MASTL: variants seen among roughly 807,000 people sequenced by gnomAD.
MASTL encodes the protein serine/threonine-protein kinase greatwall.
Under a neutral mutation model 82.5 loss-of-function variants are expected in MASTL, and 54 were observed. The observed-to-expected ratio is 0.65, with a 90% CI of 0.53 to 0.82. The LOEUF (loss-of-function observed/expected upper bound fraction) is 0.82. Ranked by LOEUF, MASTL falls within the 40% of genes least tolerant of loss-of-function variation. MASTL has a pLI of 0.00. For synonymous variants in MASTL, 323 were observed against 368.9 expected (o/e 0.88, Z 1.43); for missense variants, 950 against 1,047.8 (o/e 0.91, Z 1.29).
chr10:27,182,968 C>G (rs952302994), intron 11 of MASTL, among the ~76,000 whole-genome samples: 9 of 151,996 alleles, frequency 5.9e-5, no homozygotes, highest in Admixed American at 3.3e-4. Context: ...TTGTTAGTGT[C>G]TTGGGTTTTT....
chr10:27,177,646 A>T (rs2058142341), intron 9 of MASTL, among the ~76,000 whole-genome samples: 1 of 152,158 alleles, frequency 6.6e-6, no homozygotes, highest in Non-Finnish European at 1.5e-5. Flanking sequence ...CTTCCAGAGT[A>T]GGCTGGTTTC....
At position 27,186,366 on chromosome 10, in the gene MASTL, T is replaced by C. The variant is rs1319799838; in HGVS notation, c.2483-13T>C. The C allele has an allele frequency of 6.2e-7, 1 of 1,613,240 alleles. No homozygotes were observed. The highest frequency in any genetic ancestry group is 1.7e-5 in the Admixed American group (1 of 60,024). On this transcript the variant is annotated splice_polypyrimidine_tract_variant and intron_variant, in intron 11 of 11. Coordinates refer to ENST00000375940, the MANE Select transcript of MASTL (RefSeq NM_001172303.3). Reference sequence around the variant, plus strand: ...AATGATATCATACTGTTTTGTTTTATATTTTTCCTAAGAGCTAAAACGTCA... The same window carrying C: ...AATGATATCATACTGTTTTGTTTTACATTTTTCCTAAGAGCTAAAACGTCA...
chr10:27,180,881 AATTAATATTTCTGTTC>A, intron 9 of MASTL, 56 bp from the exon 10 acceptor site: 1 of 1,042,080 alleles, frequency 9.6e-7, no homozygotes, highest in South Asian at 1.3e-5. Context: ...AGGACTCCAC[AATTAATATTTCTGTTC>A]ATCAAATATT....
chr10:27,158,907 T>C (rs1564481304), intron 2 of MASTL, among the ~76,000 whole-genome samples: 3 of 152,170 alleles, frequency 2.0e-5, no homozygotes, highest in African/African-American at 7.2e-5. Flanking sequence ...TATATGTACA[T>C]AGAGAGACAG....
In MASTL at chr10:27,181,172, G is replaced by A. The variant is rs537265677; in HGVS notation, c.2380+106G>A. Reference sequence around the variant, plus strand: ...GGCCAAGGCGGGTGGATCGCCTGAGGTCAGGAGTTCGAGACCAGCCTGGCC... The same window carrying A: ...GGCCAAGGCGGGTGGATCGCCTGAGATCAGGAGTTCGAGACCAGCCTGGCC... On this transcript the variant is annotated intron_variant, in intron 10 of 11. Transcript: ENST00000375940. 3.0e-5 allele frequency: 24 copies of A among 812,908 alleles called. No homozygotes were observed. The East Asian group carries it at 6.4e-4, about 22-fold the overall frequency. The allele number at this position is 812,908 out of a possible 1,614,324, so 50.4% of individuals were successfully genotyped here. A position where few individuals can be genotyped will look rare whatever the true frequency, so the allele number is the denominator to read the frequency against.
At chr10:27,177,825 C>A in intron 9 of MASTL, 1 of 960,600 alleles carries the variant, frequency 1.0e-6, no homozygotes, top group Non-Finnish European at 1.2e-6. Flanking sequence ...GGTGAGTGAG[C>A]TTCTCTATAA....
intron 4 of MASTL, among the ~76,000 whole-genome samples, chr10:27,162,068 C>T (rs79989344): frequency 0.017 from 2,511 of 152,126 alleles, 125 homozygotes; most frequent in East Asian, 0.14. Flanking sequence ...AAAGGAATAC[C>T]GATGGTCCAG....
intron 9 of MASTL, chr10:27,177,820 G>GT (rs2058147996): frequency 1.0e-6 from 1 of 966,788 alleles, no homozygotes; most frequent in East Asian, 1.1e-4. Context: ...CTTCCGGTGA[G>GT]TGAGCTTCTC....
At chr10:27,154,580 T>C (rs2057293615), upstream of MASTL, 1 of 378,604 alleles carries the variant, frequency 2.6e-6, no homozygotes, top group Non-Finnish European at 4.7e-6. Flanking sequence ...TCGTTTTTTT[T>C]TTTTTTGGAG....
chr10:27,162,507 A>G (rs1165438301), intron 4 of MASTL, among the ~76,000 whole-genome samples: 1 of 152,152 alleles, frequency 6.6e-6, no homozygotes, highest in African/African-American at 2.4e-5. Flanking sequence ...CATCTCTACT[A>G]AAAATACAAA....
chr10:27,169,425 C>T (rs935393692), intron 7 of MASTL, among the ~76,000 whole-genome samples: 2 of 151,948 alleles, frequency 1.3e-5, no homozygotes, highest in African/African-American at 4.8e-5. Context: ...CAAAAATTAG[C>T]CAGGTGTGGT....
At chr10:27,180,681 C>T (rs12771194) in intron 9 of MASTL, among the ~76,000 whole-genome samples, 8 of 152,088 alleles carry the variant, frequency 5.3e-5, no homozygotes, top group Non-Finnish European at 7.3e-5. Context: ...CATAAGCCAC[C>T]GCGCCCAGCT....
intron 9 of MASTL, among the ~76,000 whole-genome samples, chr10:27,176,128 G>A (rs573548589): frequency 6.6e-6 from 1 of 150,384 alleles, no homozygotes. Flanking sequence ...CACTGGGCTT[G>A]TTACCCAGCT....
chr10:27,170,596 G>A lies in MASTL; in HGVS notation c.1637G>A (p.Arg546Lys). The A allele has an allele frequency of 1.2e-6, 2 of 1,610,162 alleles. No individual in the cohort carries two copies. Among genetic ancestry groups the A allele is most frequent in the Non-Finnish European group, 1.7e-6 (2 of 1,178,502 alleles). Residue 546 changes from arginine (R) to lysine (K), a missense_variant, in exon 8 of 12, where the codon AGG (arginine) becomes AAG (lysine). By Grantham distance (26) the Arg-to-Lys change is conservative. Coordinates refer to ENST00000375940, the MANE Select transcript of MASTL (RefSeq NM_001172303.3). ...GAAGACTGTGAAAAGAATAGTAAGA[G>A]GGACTACTTAAGTTCTAGTTTTCTA... ...LDEDCEKNSK[R>K]DYLSSSFLCS...
chr10:27,155,112 C>T (rs1341510114), upstream of MASTL: 3 of 356,258 alleles, frequency 8.4e-6, no homozygotes, highest in Non-Finnish European at 1.6e-5. Context: ...TCTTCAAATC[C>T]TGCGATTCAG....
At position 27,173,104 on chromosome 10, in the gene MASTL, C is replaced by A. The variant is rs752245917; in HGVS notation, c.2125-14C>A. ...TTAAGATATTTGTTATCTCTTAAAC[C>A]CTTTTTGAATTAGCAGACCCCAAAT... is the stretch of plus-strand genomic sequence containing the variant. On this transcript the variant is annotated splice_polypyrimidine_tract_variant and intron_variant, in intron 8 of 11. Transcript: ENST00000375940. 1.2e-6 allele frequency: 2 copies of A among 1,613,814 alleles called. No homozygotes were observed. The highest frequency in any genetic ancestry group is 1.3e-5 in the African/African-American group (1 of 74,894).
In MASTL at chr10:27,173,111, G is replaced by T. The variant is rs1452383560; in HGVS notation, c.2125-7G>T. On this transcript the variant is annotated splice_region_variant and splice_polypyrimidine_tract_variant and intron_variant, in intron 8 of 11. Transcript: ENST00000375940. ...ATTTGTTATCTCTTAAACCCTTTTTGAATTAGCAGACCCCAAATCAGATCA... is the reference window on the plus strand; with the variant it reads ...ATTTGTTATCTCTTAAACCCTTTTTTAATTAGCAGACCCCAAATCAGATCA... 2 of 1,612,012 alleles carry T rather than the reference G, an allele frequency of 1.2e-6. No individual in the cohort carries two copies. Among genetic ancestry groups the T allele is most frequent in the African/African-American group, 1.3e-5 (1 of 74,760 alleles).
rs576045878 is a variant in MASTL at position 27,187,612 on chromosome 10, T to C, written c.*1076T>C. On this transcript the variant is annotated 3_prime_UTR_variant, in exon 12 of 12. Coordinates refer to ENST00000375940, the MANE Select transcript of MASTL (RefSeq NM_001172303.3). ...ACTAAAAATAGAAAAATTAGCCAGG[T>C]ATGGTGACGCACACCTGTAGTCCCA... Among the ~76,000 whole-genome samples, 5 of 150,492 alleles carry C rather than the reference T, an allele frequency of 3.3e-5. No homozygotes were observed. Among genetic ancestry groups the C allele is most frequent in the African/African-American group, 1.2e-4 (5 of 41,012 alleles).
chr10:27,170,991 T>G lies in MASTL; in HGVS notation c.2032T>G (p.Leu678Val), dbSNP rs2057913534. The change falls in exon 8 of 12, where the codon TTA becomes GTA. Residue 678 changes from leucine to valine, a missense_variant. Physicochemically the swap from Leu to Val is conservative, Grantham distance 32. Coordinates refer to ENST00000375940, the MANE Select transcript of MASTL (RefSeq NM_001172303.3). ...SEPSRMNMTSLDAMDISCAYS... is the reference protein window; with the variant it reads ...SEPSRMNMTSVDAMDISCAYS... ...ACCATCCAGAATGAACATGACTTCT[T>G]TAGATGCAATGGATATTTCGTGTGC... is the stretch of plus-strand genomic sequence containing the variant. 1 of 1,613,974 alleles carries G rather than the reference T, an allele frequency of 6.2e-7. No individual in the cohort carries two copies. Among genetic ancestry groups the G allele is most frequent in the Non-Finnish European group, 8.5e-7 (1 of 1,179,954 alleles).
Sources: gnomAD v4.1 joint callset for allele counts (sites outside exome capture counted in the v4.1 genomes callset) on GRCh38, gnomAD v4.1.1 for gene constraint, MANE v1.5 for transcripts, NCBI Gene and HGNC (gene_info 2026-07-23, HGNC 2026-07-21) for gene names.